TMEM71: variants seen among roughly 807,000 people sequenced by gnomAD.
TMEM71 encodes transmembrane protein 71.
Under a neutral mutation model 38.0 loss-of-function variants are expected in TMEM71, and 44 were observed. The ratio of observed to expected loss-of-function variants is 1.16; its 90% confidence interval spans 0.91 to 1.49. The LOEUF (loss-of-function observed/expected upper bound fraction) is 1.49, where lower values mean the gene tolerates loss of function less well. Ranked by LOEUF, TMEM71 falls within the 40% of genes most tolerant of loss-of-function variation. TMEM71 has a pLI of 0.00. For missense variants in TMEM71, 367 were observed against 348.6 expected, an observed-to-expected ratio of 1.05 and a Z score of -0.42; for synonymous variants, 133 against 122.5, an observed-to-expected ratio of 1.09 and a Z score of -0.56.
intron 7 of TMEM71, among the ~76,000 whole-genome samples, chr8:132,720,759 G>C (rs1450857628): frequency 6.6e-6 from 1 of 152,192 alleles, no homozygotes; most frequent in African/African-American, 2.4e-5. Flanking sequence ...TGGGACTCGA[G>C]AGCAGGCAGC....
chr8:132,756,089 A>G (rs1828987112), intron 3 of TMEM71, among the ~76,000 whole-genome samples: 1 of 152,128 alleles, frequency 6.6e-6, no homozygotes. Context: ...TGTTTATGCT[A>G]TAGGCACATT....
chr8:132,722,826 A>T (rs1563744906), intron 6 of TMEM71, among the ~76,000 whole-genome samples: 1 of 152,364 alleles, frequency 6.6e-6, no homozygotes, highest in East Asian at 1.9e-4. Context: ...AAGCCACAGT[A>T]GAAACTACAA....
intron 7 of TMEM71, among the ~76,000 whole-genome samples, chr8:132,721,021 T>C (rs530740523): frequency 6.6e-5 from 10 of 152,324 alleles, no homozygotes; most frequent in African/African-American, 2.2e-4. Context: ...GCAAGGTGCA[T>C]GCGACAAAGA....
At chr8:132,730,200 C>T (rs1330872587) in intron 5 of TMEM71, among the ~76,000 whole-genome samples, 4 of 152,126 alleles carry the variant, frequency 2.6e-5, no homozygotes, top group African/African-American at 7.2e-5. Flanking sequence ...TCAGATGATC[C>T]ACCCACCTCG....
At chr8:132,768,527 G>C in the TMEM71 span, among the ~76,000 whole-genome samples, 5 of 151,902 alleles carry the variant, frequency 3.3e-5, no homozygotes, top group South Asian at 8.3e-4. Context: ...GTTTGCTCAG[G>C]GTTCATTTTC....
chr8:132,732,806 G>T (rs2131086189), intron 5 of TMEM71, among the ~76,000 whole-genome samples: 1 of 152,268 alleles, frequency 6.6e-6, no homozygotes, highest in South Asian at 2.1e-4. Flanking sequence ...TTGGAGTGAG[G>T]TGAGGGGTGT....
chr8:132,720,384 A>G (rs1470542957), intron 7 of TMEM71, among the ~76,000 whole-genome samples: 1 of 152,190 alleles, frequency 6.6e-6, no homozygotes, highest in Non-Finnish European at 1.5e-5. Flanking sequence ...TCTGCGATCA[A>G]CTTGGAGGTG....
intron 9 of TMEM71, among the ~76,000 whole-genome samples, chr8:132,713,147 G>A (rs1001491692): frequency 2.2e-5 from 3 of 134,382 alleles, no homozygotes; most frequent in African/African-American, 1.2e-4. Context: ...ACCCAGCCTT[G>A]TCATTAATTT....
At chr8:132,712,379 G>C (rs1278415363) in intron 9 of TMEM71, among the ~76,000 whole-genome samples, 2 of 152,096 alleles carry the variant, frequency 1.3e-5, no homozygotes, top group African/African-American at 4.8e-5. Context: ...AACAAACAAT[G>C]AGCTCAGAAC....
At chr8:132,731,609 C>A (rs562012155) in intron 5 of TMEM71, among the ~76,000 whole-genome samples, 155 of 152,250 alleles carry the variant, frequency 1.0e-3, no homozygotes, top group African/African-American at 3.4e-3. Context: ...TGCCCCCTGC[C>A]TCATCACAGA....
At chr8:132,751,584 C>T (rs562331728) in intron 4 of TMEM71, among the ~76,000 whole-genome samples, 1 of 151,232 alleles carries the variant, frequency 6.6e-6, no homozygotes, top group East Asian at 1.9e-4. Flanking sequence ...TTATAAAAGA[C>T]AGTGGGTGAA....
At chr8:132,719,303 T>A (rs1826710916) in intron 7 of TMEM71, among the ~76,000 whole-genome samples, 1 of 152,224 alleles carries the variant, frequency 6.6e-6, no homozygotes, top group Non-Finnish European at 1.5e-5. Flanking sequence ...AAATCTGAAA[T>A]GCCCCAAGTT....
At chr8:132,727,259 A>ATTTTTTTT (rs769270352) in intron 6 of TMEM71, among the ~76,000 whole-genome samples, 1 of 140,026 alleles carries the variant, frequency 7.1e-6, no homozygotes, top group African/African-American at 2.6e-5. Flanking sequence ...TATTCTCAGA[A>ATTTTTTTT]TTTTTTTTTT....
intron 6 of TMEM71, among the ~76,000 whole-genome samples, chr8:132,724,233 C>A (rs1183482273): frequency 1.3e-5 from 2 of 152,174 alleles, no homozygotes; most frequent in African/African-American, 4.8e-5. Context: ...ACCGGTCTGA[C>A]CTCAAATTTA....
At chr8:132,719,071 A>G (rs1826695341) in intron 7 of TMEM71, among the ~76,000 whole-genome samples, 1 of 152,246 alleles carries the variant, frequency 6.6e-6, no homozygotes, top group Admixed American at 6.5e-5. Context: ...AGCAAAGCCT[A>G]TAAAGTGTAC....
intron 3 of TMEM71, 148 bp from the exon 4 acceptor site, chr8:132,752,145 T>C (rs1828750814): frequency 4.4e-6 from 3 of 681,652 alleles, no homozygotes; most frequent in Non-Finnish European, 5.0e-6. Context: ...TCACTCTTAA[T>C]GTTCTGGGCT....
chr8:132,757,975 C>T (rs2433053), intron 2 of TMEM71: 40,025 of 152,046 alleles, frequency 0.26, 5,947 homozygotes, highest in South Asian at 0.43. Flanking sequence ...TTGGTTATTG[C>T]AGCTTACTCA....
Position 132,710,984 on chromosome 8 carries a change from T to C in TMEM71, c.873-2A>G, listed in dbSNP as rs770428668. 1.2e-6 allele frequency: 2 copies of C among 1,604,512 alleles called. No individual in the cohort carries two copies. The highest frequency in any genetic ancestry group is 1.7e-6 in the Non-Finnish European group (2 of 1,177,328). On this transcript the variant is annotated splice_acceptor_variant, in intron 9 of 9. Coordinates refer to ENST00000677595, the MANE Select transcript of TMEM71 (RefSeq NM_001382403.1). LOFTEE classifies it high-confidence loss of function. ...AATGGTTGTCAAATTTTGACAAACC[T>C]AGATTGGAGAAATAAGAAAAGAAAT... is the stretch of plus-strand genomic sequence containing the variant.
intron 7 of TMEM71, among the ~76,000 whole-genome samples, chr8:132,719,011 T>C (rs1256418337): frequency 6.6e-6 from 1 of 152,184 alleles, no homozygotes; most frequent in African/African-American, 2.4e-5. Flanking sequence ...GGAAATCTCT[T>C]TATATGCATT....
Sources: allele counts gnomAD v4.1 joint callset (sites outside exome capture counted in the v4.1 genomes callset), GRCh38; gene constraint gnomAD v4.1.1; transcripts MANE v1.5; gene names NCBI Gene and HGNC (gene_info 2026-07-23, HGNC 2026-07-21).